The following MEF2A variants were observed in gnomAD, a reference collection of about 807,000 sequenced individuals.
MEF2A encodes myocyte-specific enhancer factor 2A.
MEF2A carries 28 observed loss-of-function variants against 55.8 expected under a neutral mutation model. That is an observed-to-expected ratio of 0.50 (90% CI 0.37 to 0.69). The LOEUF is 0.69. Among genes scored for constraint, MEF2A ranks in the 30% least tolerant of loss-of-function variants. The pLI is 0.00. For missense variants in MEF2A, 528 were observed against 626.2 expected, an observed-to-expected ratio of 0.84 and a Z score of 1.67; for synonymous variants, 239 against 227.1, an observed-to-expected ratio of 1.05 and a Z score of -0.47.
rs1031973965 is a variant in MEF2A at position 99,568,754 on chromosome 15, C to T, written c.-225+2650C>T. ...GGCAAGAAGAATGTAGTGTAATATACGATGATGATGGGCCTGGATTTGGGG... is the reference window on the plus strand; with the variant it reads ...GGCAAGAAGAATGTAGTGTAATATATGATGATGATGGGCCTGGATTTGGGG... On this transcript the variant is annotated intron_variant, in intron 1 of 11. Coordinates refer to ENST00000557942, the MANE Select transcript of MEF2A (RefSeq NM_001319206.4). Among the ~76,000 whole-genome samples, 20 of 152,068 alleles carry T rather than the reference C, an allele frequency of 1.3e-4. 1 individual carries two copies. Among genetic ancestry groups the T allele is most frequent in the Admixed American group, 1.3e-3 (20 of 15,264 alleles).
chr15:99,636,623 G>A (rs944030301), intron 3 of MEF2A, among the ~76,000 whole-genome samples: 1 of 152,140 alleles, frequency 6.6e-6, no homozygotes, highest in African/African-American at 2.4e-5. Flanking sequence ...ACAGGCATGA[G>A]CCACCACACC....
At chr15:99,569,897 G>C (rs989240424) in intron 1 of MEF2A, among the ~76,000 whole-genome samples, 1 of 151,864 alleles carries the variant, frequency 6.6e-6, no homozygotes, top group African/African-American at 2.4e-5. Flanking sequence ...AATGGACCTT[G>C]TGTCCAGTTT....
At position 99,641,385 on chromosome 15, in the gene MEF2A, G is replaced by A. The variant is rs982242824; in HGVS notation, c.55-4176G>A. ...TAGCAGGCATTGAGTGTTCCAGGCAGCGGAGGTGAGAAGCACAAGCTGAAC... is the reference window on the plus strand; with the variant it reads ...TAGCAGGCATTGAGTGTTCCAGGCAACGGAGGTGAGAAGCACAAGCTGAAC... On this transcript the variant is annotated intron_variant, in intron 3 of 11. Transcript: ENST00000557942. Among the ~76,000 whole-genome samples the A allele has an allele frequency of 2.6e-4, 39 of 152,104 alleles. 1 individual carries two copies. The highest frequency in any genetic ancestry group is 1.5e-5 in the Non-Finnish European group (1 of 68,028).
At chr15:99,660,435 T>A (rs2048435672) in intron 4 of MEF2A, among the ~76,000 whole-genome samples, 1 of 152,216 alleles carries the variant, frequency 6.6e-6, no homozygotes, top group Admixed American at 6.5e-5. Flanking sequence ...TGATGCAGGC[T>A]GCTTCCAGGT....
At chr15:99,643,591 A>G (rs1184375854) in intron 3 of MEF2A, among the ~76,000 whole-genome samples, 1 of 150,256 alleles carries the variant, frequency 6.7e-6, no homozygotes, top group Non-Finnish European at 1.5e-5. Context: ...TTATATTGAG[A>G]ATTTTTTTTT....
At chr15:99,710,400 G>A (rs770521500) in intron 10 of MEF2A, among the ~76,000 whole-genome samples, 1 of 152,030 alleles carries the variant, frequency 6.6e-6, no homozygotes, top group Non-Finnish European at 1.5e-5. Flanking sequence ...GCGCCACCAC[G>A]CCTGGATAAT....
intron 1 of MEF2A, chr15:99,566,746 C>G (rs557654277): frequency 6.6e-6 from 1 of 152,374 alleles, no homozygotes; most frequent in African/African-American, 2.4e-5. Flanking sequence ...ATTGGTCTAA[C>G]GGGGTGGAAC....
At chr15:99,625,260 T>C (rs556289701) in intron 2 of MEF2A, among the ~76,000 whole-genome samples, 3 of 152,322 alleles carry the variant, frequency 2.0e-5, no homozygotes, top group Admixed American at 6.5e-5. Context: ...TGTTAATGTA[T>C]AGAATTGCAG....
intron 1 of MEF2A, among the ~76,000 whole-genome samples, chr15:99,591,299 A>G (rs902705338): frequency 2.6e-5 from 4 of 152,110 alleles, no homozygotes; most frequent in Admixed American, 1.3e-4. Context: ...TGCTTTATAT[A>G]GATTTTAGCT....
Position 99,712,434 on chromosome 15 carries a change from C to G in MEF2A, c.1181C>G (p.Thr394Ser), listed in dbSNP as rs1456397524. Residue 394 changes from threonine to serine, a missense_variant, in exon 12 of 12, where the codon ACC (threonine) becomes AGC (serine). Thr to Ser is a moderately conservative substitution (Grantham distance 58, BLOSUM62 1). Coordinates refer to ENST00000557942, the MANE Select transcript of MEF2A (RefSeq NM_001319206.4). This position sits in a 1 kb window ranked among gnomAD's most constrained non-coding sequence, Gnocchi z 4.1. ...LSQGSNLSIN[T>S]NQNISIKSEP... ...CAGGGTTCCAATTTATCCATTAATA[C>G]CAACCAAAACATCAGCATCAAGTCC... 3 of 1,549,362 alleles carry G rather than the reference C, an allele frequency of 1.9e-6. No homozygotes were observed. In the African/African-American group the frequency reaches 4.1e-5, roughly 21 times the overall value.
chr15:99,612,836 T>C (rs2039515702), intron 2 of MEF2A, among the ~76,000 whole-genome samples: 1 of 152,118 alleles, frequency 6.6e-6, no homozygotes, highest in Admixed American at 6.5e-5. Context: ...ATGTTCTCCC[T>C]ACTTTGGTGT....
At chr15:99,688,161 A>G (rs1567447023) in intron 7 of MEF2A, among the ~76,000 whole-genome samples, 2 of 152,240 alleles carry the variant, frequency 1.3e-5, no homozygotes, top group South Asian at 2.1e-4. Context: ...ATAAATGCAC[A>G]TTATATGTTT....
intron 9 of MEF2A, 62 bp downstream of exon 9, chr15:99,703,447 C>T (rs1339596758): frequency 7.2e-6 from 11 of 1,523,078 alleles, no homozygotes; most frequent in African/African-American, 5.6e-5. Context: ...AATTCTCTTA[C>T]GTGTTGTTAT....
At chr15:99,701,892 G>C (rs1434937654) in intron 8 of MEF2A, among the ~76,000 whole-genome samples, 1 of 152,142 alleles carries the variant, frequency 6.6e-6, no homozygotes, top group African/African-American at 2.4e-5. Flanking sequence ...TACAAGAATT[G>C]TTAGTAAACT....
intron 1 of MEF2A, among the ~76,000 whole-genome samples, chr15:99,581,923 A>G (rs1173425971): frequency 2.0e-5 from 3 of 152,152 alleles, no homozygotes; most frequent in African/African-American, 7.2e-5. Flanking sequence ...CAAAAGAGCC[A>G]AAACAGAAAA....
At chr15:99,600,967 A>G (rs1360677651) in intron 2 of MEF2A, among the ~76,000 whole-genome samples, 1 of 152,104 alleles carries the variant, frequency 6.6e-6, no homozygotes, top group African/African-American at 2.4e-5. Flanking sequence ...GAATGTTTTT[A>G]CCCTAGAGAT....
intron 2 of MEF2A, among the ~76,000 whole-genome samples, chr15:99,605,148 A>G (rs1474743374): frequency 1.3e-5 from 2 of 152,112 alleles, no homozygotes; most frequent in Admixed American, 6.5e-5. Flanking sequence ...GGGTTTTGCC[A>G]TGCTGGCCAG....
intron 2 of MEF2A, among the ~76,000 whole-genome samples, chr15:99,604,411 A>G (rs1282012069): frequency 6.6e-6 from 1 of 152,120 alleles, no homozygotes; most frequent in African/African-American, 2.4e-5. Context: ...TTTCTTCTGC[A>G]TTGAATAATC....
chr15:99,674,446 C>T lies in MEF2A; in HGVS notation c.444C>T (p.Ser148=). The change falls in exon 6 of 12, where the codon AGC becomes AGT. Residue 148 remains serine (S), a synonymous_variant. Coordinates refer to ENST00000557942, the MANE Select transcript of MEF2A (RefSeq NM_001319206.4). ...TGTCTGTCACAGTTCCAGTGACCAG[C>T]CCCAATGCTTTGTCCTACACTAACC... ...FSMSVTVPVT[S]PNALSYTNPG... The T allele has an allele frequency of 6.2e-7, 1 of 1,613,958 alleles. No homozygotes were observed. The highest frequency in any genetic ancestry group is 8.5e-7 in the Non-Finnish European group (1 of 1,179,884).
Sources: gnomAD v4.1 joint callset for allele counts (sites outside exome capture counted in the v4.1 genomes callset) on GRCh38, gnomAD v4.1.1 for gene constraint, Gnocchi (gnomAD v3.1) non-coding constraint, MANE v1.5 for transcripts, NCBI Gene and HGNC (gene_info 2026-07-23, HGNC 2026-07-21) for gene names.